Variants in DUSP29 observed in about 807,000 individuals in gnomAD.
DUSP29 encodes atypical dual-specific protein phosphatase.
Under a neutral mutation model 13.5 loss-of-function variants are expected in DUSP29, and 12 were observed. The observed-to-expected ratio is 0.89, with a 90% CI of 0.57 to 1.44. The LOEUF (loss-of-function observed/expected upper bound fraction) is 1.44, where lower values mean the gene tolerates loss of function less well. DUSP29 is among the 40% of genes most tolerant of loss of function. The pLI is 0.00. For synonymous variants in DUSP29, 134 were observed against 128.7 expected (o/e 1.04, Z -0.28); for missense variants, 308 against 301.1 (o/e 1.02, Z -0.17).
At chr10:75,064,142 T>C (rs1327324517) in intron 1 of DUSP29, among the ~76,000 whole-genome samples, 1 of 151,582 alleles carries the variant, frequency 6.6e-6, no homozygotes, top group African/African-American at 2.4e-5. Context: ...CTGGGCTCAA[T>C]ATCCTCTTGC....
intron 2 of DUSP29, among the ~76,000 whole-genome samples, 161 bp downstream of exon 2, chr10:75,058,154 G>A (rs1847003363): frequency 6.6e-6 from 1 of 152,236 alleles, no homozygotes; most frequent in Non-Finnish European, 1.5e-5. Flanking sequence ...CTAAGACTTT[G>A]TTTAGGTTTT....
chr10:75,052,532 C>T (rs1186397956), intron 2 of DUSP29, among the ~76,000 whole-genome samples: 4 of 152,164 alleles, frequency 2.6e-5, no homozygotes, highest in African/African-American at 9.7e-5. Context: ...TGGTCTCAAT[C>T]TCCTGACCTC....
At chr10:75,072,401 G>A (rs116412334) in intron 1 of DUSP29, among the ~76,000 whole-genome samples, 12,058 of 151,992 alleles carry the variant, frequency 0.079, 1,074 homozygotes, top group African/African-American at 0.22. Context: ...CCACACCCCC[G>A]TCGCATGCCC....
intron 2 of DUSP29, among the ~76,000 whole-genome samples, chr10:75,049,168 C>T (rs150273099): frequency 7.3e-5 from 11 of 151,120 alleles, no homozygotes; most frequent in East Asian, 5.8e-4. Context: ...CAGTAATGAA[C>T]GAGTCATATA....
chr10:75,048,210 T>C (rs1846743916), intron 2 of DUSP29, among the ~76,000 whole-genome samples: 1 of 152,306 alleles, frequency 6.6e-6, no homozygotes, highest in East Asian at 1.9e-4. Context: ...TGCTAAAAAT[T>C]GCAGTCCGTA....
chr10:75,038,227 A>C, intron 3 of DUSP29, 150 bp from the exon 4 acceptor site: 1 of 991,712 alleles, frequency 1.0e-6, no homozygotes, highest in Non-Finnish European at 1.4e-6. Flanking sequence ...GAACGGGGAC[A>C]CTCTCGGTGT....
chr10:75,055,288 A>G (rs1044196906), intron 2 of DUSP29, among the ~76,000 whole-genome samples: 1 of 151,584 alleles, frequency 6.6e-6, no homozygotes, highest in Admixed American at 6.6e-5. Context: ...CATTATTGCT[A>G]CTCTTATTTC....
intron 3 of DUSP29, 95 bp downstream of exon 3, chr10:75,043,702 G>T (rs34166900): frequency 3.4e-6 from 4 of 1,170,124 alleles, no homozygotes; most frequent in Non-Finnish European, 4.8e-6. Flanking sequence ...CGGAGCCTTA[G>T]TGGGGCGGGG....
chr10:75,070,627 A>G (rs1202516479), intron 1 of DUSP29, among the ~76,000 whole-genome samples: 2 of 152,144 alleles, frequency 1.3e-5, no homozygotes, highest in Admixed American at 6.6e-5. Context: ...TTGTGTTCCC[A>G]ACCGAGAATA....
At chr10:75,065,654 A>G (rs965457390) in intron 1 of DUSP29, among the ~76,000 whole-genome samples, 2 of 151,696 alleles carry the variant, frequency 1.3e-5, no homozygotes, top group Admixed American at 6.6e-5. Flanking sequence ...AGAGCCACAT[A>G]CAGGCTTCTT....
At chr10:75,064,337 G>A (rs1407951067) in intron 1 of DUSP29, among the ~76,000 whole-genome samples, 2 of 152,188 alleles carry the variant, frequency 1.3e-5, no homozygotes, top group African/African-American at 2.4e-5. Flanking sequence ...GTGAAACCCC[G>A]TCTCTACCAA....
At chr10:75,069,888 A>C (rs1282380509) in intron 1 of DUSP29, among the ~76,000 whole-genome samples, 3 of 35,402 alleles carry the variant, frequency 8.5e-5, no homozygotes, top group Non-Finnish European at 1.2e-4. Context: ...CTAAAAATAC[A>C]AAAAAAAAAA....
chr10:75,045,665 T>C (rs980747800), intron 2 of DUSP29, among the ~76,000 whole-genome samples: 2 of 152,118 alleles, frequency 1.3e-5, no homozygotes, highest in African/African-American at 4.8e-5. Flanking sequence ...GAAGCCAGTG[T>C]GGCTGAAGTG....
intron 1 of DUSP29, among the ~76,000 whole-genome samples, chr10:75,062,136 T>G (rs1288426461): frequency 6.6e-6 from 1 of 152,190 alleles, no homozygotes; most frequent in African/African-American, 2.4e-5. Flanking sequence ...CCCAGACCTT[T>G]CAGTCCCCTA....
At chr10:75,038,123 G>GT (rs777296087) in intron 3 of DUSP29, 46 bp from the exon 4 acceptor site, 45 of 1,584,066 alleles carry the variant, frequency 2.8e-5, no homozygotes, top group Non-Finnish European at 3.4e-5. Context: ...AGGGGCAGGT[G>GT]TTGGGGGCAC....
intron 2 of DUSP29, among the ~76,000 whole-genome samples, chr10:75,052,750 C>T (rs1033519983): frequency 2.0e-5 from 3 of 152,218 alleles, no homozygotes; most frequent in African/African-American, 7.2e-5. Context: ...CCACGCCTGG[C>T]CAACTATTCT....
chr10:75,046,305 G>A (rs1381778428), intron 2 of DUSP29, among the ~76,000 whole-genome samples: 2 of 152,160 alleles, frequency 1.3e-5, no homozygotes, highest in Non-Finnish European at 2.9e-5. Context: ...TTCAGCTCAG[G>A]GAAGATGTGA....
intron 3 of DUSP29, 139 bp downstream of exon 3, chr10:75,043,658 A>C: frequency 1.2e-6 from 1 of 848,554 alleles, no homozygotes; most frequent in Non-Finnish European, 1.8e-6. Flanking sequence ...CAGACGGGGA[A>C]ACCTTGGGCT....
chr10:75,058,415 A>T lies in DUSP29; in HGVS notation c.100T>A (p.Cys34Ser). 1 of 1,614,252 alleles carries T rather than the reference A, an allele frequency of 6.2e-7. No individual in the cohort carries two copies. Among genetic ancestry groups the T allele is most frequent in the Non-Finnish European group, 8.5e-7 (1 of 1,180,040 alleles). The part of the protein sequence containing the change: ...MEEEGEEEDY[C>S]TPGAFELERL... ...TCCAGCTCAAAGGCTCCAGGGGTGCAGTAGTCCTCCTCCTCCCCTTCCTCC... is the reference window on the plus strand; with the variant it reads ...TCCAGCTCAAAGGCTCCAGGGGTGCTGTAGTCCTCCTCCTCCCCTTCCTCC... Residue 34 changes from cysteine to serine, a missense_variant, in exon 2 of 4, where the codon TGC becomes AGC. Physicochemically the swap from Cys to Ser is moderately radical, Grantham distance 112. Transcript: ENST00000338487.
Sources: gnomAD v4.1 joint callset for allele counts (sites outside exome capture counted in the v4.1 genomes callset) on GRCh38, gnomAD v4.1.1 for gene constraint, MANE v1.5 for transcripts, NCBI Gene and HGNC (gene_info 2026-07-23, HGNC 2026-07-21) for gene names.